The following DLAT variants were observed in gnomAD, a reference collection of about 807,000 sequenced individuals.
The protein encoded by DLAT is dihydrolipoamide S-acetyltransferase, also known as dihydrolipoyllysine-residue acetyltransferase component of pyruvate dehydrogenase complex, mitochondrial.
A neutral mutation model predicts 68.0 loss-of-function variants in DLAT; 43 were observed. The observed-to-expected ratio is 0.63, with a 90% confidence interval of 0.50 to 0.81. The LOEUF (loss-of-function observed/expected upper bound fraction) is 0.81. Ranked by LOEUF, DLAT falls within the 40% of genes least tolerant of loss-of-function variation. The pLI is 0.00. For missense variants in DLAT, 745 were observed against 815.4 expected (o/e 0.91, Z 1.05); for synonymous variants, 265 against 288.6 (o/e 0.92, Z 0.83).
intron 11 of DLAT, among the ~76,000 whole-genome samples, chr11:112,058,168 AC>A (rs1864226851): frequency 6.6e-6 from 1 of 152,236 alleles, no homozygotes; most frequent in South Asian, 2.1e-4. Context: ...CATTTATTTA[AC>A]ATGTACTGTT....
intron 4 of DLAT, 41 bp from the exon 5 acceptor site, chr11:112,033,363 T>C (rs1418047938): frequency 2.5e-6 from 4 of 1,607,532 alleles, no homozygotes; most frequent in Non-Finnish European, 2.6e-6. Context: ...TATGTAGAAG[T>C]CTTCCTGGTA....
At chr11:112,025,774 CG>C (rs1566605935) in intron 1 of DLAT, 23 bp downstream of exon 1, 2 of 1,612,368 alleles carry the variant, frequency 1.2e-6, no homozygotes, top group Non-Finnish European at 1.7e-6. Flanking sequence ...CCCCCCTTCT[CG>C]GGACCCCGTT....
chr11:112,043,595 C>A, intron 8 of DLAT, 62 bp downstream of exon 8: 1 of 1,344,398 alleles, frequency 7.4e-7, no homozygotes, highest in Non-Finnish European at 1.1e-6. Context: ...TAGACCATTT[C>A]ATACATTATT....
chr11:112,030,076 C>T (rs1555179843), intron 4 of DLAT: 18 of 903,690 alleles, frequency 2.0e-5, no homozygotes, highest in Admixed American at 8.9e-5. Context: ...TTAAAATTTT[C>T]GTCTGCGAAT....
At chr11:112,047,219 A>G (rs1476333610) in intron 10 of DLAT, among the ~76,000 whole-genome samples, 1 of 152,180 alleles carries the variant, frequency 6.6e-6, no homozygotes, top group Admixed American at 6.5e-5. Flanking sequence ...ATGACCAGTG[A>G]TGATGAGCTT....
intron 11 of DLAT, 95 bp from the exon 12 acceptor site, chr11:112,059,808 A>C: frequency 8.6e-7 from 1 of 1,167,984 alleles, no homozygotes; most frequent in Non-Finnish European, 1.2e-6. Flanking sequence ...TTGGTTCAAA[A>C]AATTTTTGAA....
intron 8 of DLAT, among the ~76,000 whole-genome samples, chr11:112,043,824 A>G (rs587597571): frequency 1.4e-4 from 22 of 152,352 alleles, no homozygotes; most frequent in Admixed American, 3.9e-4. Context: ...TACTTATAAT[A>G]TTAAATACAA....
intron 11 of DLAT, among the ~76,000 whole-genome samples, chr11:112,059,299 G>T (rs868936342): frequency 1.3e-4 from 19 of 151,962 alleles, no homozygotes; most frequent in South Asian, 8.3e-4. Context: ...GACGGCAGGG[G>T]ATGTTAGACG....
intron 11 of DLAT, among the ~76,000 whole-genome samples, chr11:112,052,665 T>C (rs587644349): frequency 2.6e-5 from 4 of 152,162 alleles, no homozygotes; most frequent in Admixed American, 6.5e-5. Context: ...TTAAATCTTG[T>C]TGAAGGGTCT....
intron 1 of DLAT, 71 bp from the exon 2 acceptor site, chr11:112,026,127 T>G: frequency 4.2e-6 from 5 of 1,194,258 alleles, no homozygotes; most frequent in Non-Finnish European, 6.1e-6. Context: ...TTGAATTGAA[T>G]GAAATCTTAA....
intron 4 of DLAT, among the ~76,000 whole-genome samples, chr11:112,031,324 T>A (rs587715633): frequency 2.0e-5 from 3 of 152,328 alleles, no homozygotes; most frequent in Non-Finnish European, 4.4e-5. Context: ...TAAAGCAATT[T>A]TACATTTAGA....
At chr11:112,030,281 G>C (rs587630999) in intron 4 of DLAT, 1 of 558,882 alleles carries the variant, frequency 1.8e-6, no homozygotes, top group South Asian at 1.4e-5. Flanking sequence ...CAGAGAGCTC[G>C]ATCTTTGTGC....
chr11:112,060,128 G>A, intron 12 of DLAT, 63 bp downstream of exon 12: 1 of 1,290,232 alleles, frequency 7.8e-7, no homozygotes. Context: ...TGCATTTATT[G>A]CATTTTTCAC....
chr11:112,026,297 G>C lies in DLAT; in HGVS notation c.379G>C (p.Glu127Gln). ...AATCAATGAAGGTGACCTAATTGCA[G>C]AGGTAAGTTTTTTTTTTTTTTTTTA... Reference protein sequence around the residue: ...DKINEGDLIAEVETDKATVGF... With the variant: ...DKINEGDLIAQVETDKATVGF... Residue 127 changes from glutamate (E) to glutamine (Q), a missense_variant and splice_region_variant, in exon 2 of 14, where the codon GAG becomes CAG. Coordinates refer to ENST00000280346, the MANE Select transcript of DLAT (RefSeq NM_001931.5). 1 of 1,474,700 alleles carries C rather than the reference G, an allele frequency of 6.8e-7. No homozygotes were observed. 91.4% of individuals were successfully genotyped at this position (1,474,700 alleles called of 1,614,324 possible).
At position 112,051,172 on chromosome 11, in the gene DLAT, G is replaced by GAAACTT; in HGVS notation, c.1399-58_1399-53dup. On this transcript the variant is annotated intron_variant, in intron 10 of 13. Coordinates refer to ENST00000280346, the MANE Select transcript of DLAT (RefSeq NM_001931.5). This position sits in a 1 kb window ranked among gnomAD's most constrained non-coding sequence, Gnocchi z 4.3. ...CCTGGACATTCTGCACATGCACCCT[G>GAAACTT]AAACTTAAAATTAAAATTAAAATTA... The GAAACTT allele has an allele frequency of 8.2e-7, 1 of 1,222,002 alleles. No homozygotes were observed. The highest frequency in any genetic ancestry group is 1.9e-5 in the Admixed American group (1 of 52,894). 75.7% of individuals were successfully genotyped at this position (1,222,002 alleles called of 1,614,324 possible). A position where few individuals can be genotyped will look rare whatever the true frequency, so the allele number is the denominator to read the frequency against.
chr11:112,026,375 G>A (rs1277069508), intron 2 of DLAT, 76 bp downstream of exon 2: 40 of 832,894 alleles, frequency 4.8e-5, no homozygotes, highest in Non-Finnish European at 6.3e-5. Flanking sequence ...CTCGCAGAGG[G>A]GGATTTGGCA....
rs797041830 is a variant in DLAT, at chr11:112,036,165, A to ATGTGTG, written c.788-1107_788-1106insGTGTGT. ...TGTATATATATATATGTGTGTGTAT[A>ATGTGTG]TATGTGTGTGTGTGTGTGTGTGTGT... On this transcript the variant is annotated intron_variant, in intron 5 of 13. Transcript: ENST00000280346. Among the ~76,000 whole-genome samples, 179 of 101,812 alleles carry ATGTGTG rather than the reference A, an allele frequency of 1.8e-3. 2 individuals are homozygous for ATGTGTG. The highest frequency in any genetic ancestry group is 8.0e-3 in the African/African-American group (174 of 21,732). 66.8% of individuals were successfully genotyped at this position (101,812 alleles called of 152,430 possible). A position where few individuals can be genotyped will look rare whatever the true frequency, so the allele number is the denominator to read the frequency against.
chr11:112,045,019 A>G (rs587662502), intron 8 of DLAT, 119 bp from the exon 9 acceptor site: 2 of 780,360 alleles, frequency 2.6e-6, no homozygotes, highest in Non-Finnish European at 4.5e-6. Flanking sequence ...TGGGTGACAG[A>G]GCAAGACTCT....
intron 11 of DLAT, among the ~76,000 whole-genome samples, chr11:112,058,642 C>CTT (rs587655131): frequency 7.2e-6 from 1 of 139,550 alleles, no homozygotes. Context: ...GGGGAATCAC[C>CTT]TTTTTTTTTT....
Sources: gnomAD v4.1 joint callset for allele counts (sites outside exome capture counted in the v4.1 genomes callset) on GRCh38, gnomAD v4.1.1 for gene constraint, Gnocchi (gnomAD v3.1) non-coding constraint, MANE v1.5 for transcripts, NCBI Gene and HGNC (gene_info 2026-07-23, HGNC 2026-07-21) for gene names.